Variants in SAMD5 observed in about 807,000 individuals in gnomAD.
SAMD5 encodes sterile alpha motif domain containing 5, also known as sterile alpha motif domain-containing protein 5.
A neutral mutation model predicts 11.3 loss-of-function variants in SAMD5; 13 were observed. The observed-to-expected ratio is 1.15, with a 90% confidence interval of 0.75 to 1.83. The LOEUF is 1.83. Among genes scored for constraint, SAMD5 ranks in the 40% most tolerant of loss-of-function variants. SAMD5 has a pLI of 0.00. For synonymous variants in SAMD5, 129 were observed against 111.3 expected, an observed-to-expected ratio of 1.16 and a Z score of -1.00; for missense variants, 255 against 239.1, an observed-to-expected ratio of 1.07 and a Z score of -0.44.
chr6:147,852,229 T>TA, the SAMD5 span, among the ~76,000 whole-genome samples: 1 of 152,158 alleles, frequency 6.6e-6, no homozygotes, highest in Admixed American at 6.5e-5. Flanking sequence ...TTTCCATAAA[T>TA]ACAGCTGTAT....
downstream of SAMD5, chr6:147,741,573 A>T (rs1410765250): frequency 6.6e-6 from 1 of 152,230 alleles, no homozygotes; most frequent in African/African-American, 2.4e-5. Context: ...GCTGGTTTTG[A>T]ATGACGAGTG....
chr6:147,707,318 T>A (rs924512835), intron 1 of SAMD5, among the ~76,000 whole-genome samples: 2 of 152,216 alleles, frequency 1.3e-5, no homozygotes, highest in Admixed American at 1.3e-4. Context: ...TAATTAAAAT[T>A]TTTTGTGAAT....
At chr6:147,654,771 C>A (rs2128453709) in intron 1 of SAMD5, among the ~76,000 whole-genome samples, 1 of 97,150 alleles carries the variant, frequency 1.0e-5, no homozygotes, top group African/African-American at 3.4e-5. Context: ...GTTTGACTAT[C>A]TTTTTCTCAA....
intron 1 of SAMD5, among the ~76,000 whole-genome samples, chr6:147,700,149 C>T (rs1791232867): frequency 6.6e-6 from 1 of 152,134 alleles, no homozygotes; most frequent in Non-Finnish European, 1.5e-5. Context: ...TTTCTTCAAC[C>T]TCTCTTTAGT....
At chr6:147,880,080 C>T in the SAMD5 span, among the ~76,000 whole-genome samples, 5 of 152,164 alleles carry the variant, frequency 3.3e-5, no homozygotes, top group African/African-American at 1.2e-4. Context: ...TTCCATATGT[C>T]ATTTTATTTA....
At chr6:147,591,405 C>T (rs930800576) in intron 1 of SAMD5, among the ~76,000 whole-genome samples, 5 of 152,266 alleles carry the variant, frequency 3.3e-5, no homozygotes, top group African/African-American at 7.2e-5. Flanking sequence ...AGGGAGTGTT[C>T]ACTGAATTAA....
chr6:147,907,862 T>G, the SAMD5 span, among the ~76,000 whole-genome samples: 1 of 152,252 alleles, frequency 6.6e-6, no homozygotes, highest in African/African-American at 2.4e-5. Context: ...CTGTATGAAA[T>G]CTCACATGCT....
At chr6:147,627,674 T>G (rs1790078703) in intron 1 of SAMD5, among the ~76,000 whole-genome samples, 1 of 152,164 alleles carries the variant, frequency 6.6e-6, no homozygotes, top group Non-Finnish European at 1.5e-5. Flanking sequence ...ATCCTTCCTT[T>G]TCCCTGTGTT....
intron 1 of SAMD5, among the ~76,000 whole-genome samples, chr6:147,551,830 A>ATATATATG (rs1788779934): frequency 1.8e-5 from 2 of 109,124 alleles, no homozygotes; most frequent in East Asian, 3.6e-4. Flanking sequence ...ATATATATAT[A>ATATATATG]TATATATGTA....
the SAMD5 span, among the ~76,000 whole-genome samples, chr6:147,870,090 A>C: frequency 6.6e-6 from 1 of 152,128 alleles, no homozygotes. Flanking sequence ...TGTATATTTC[A>C]CATGCATAGC....
intron 1 of SAMD5, among the ~76,000 whole-genome samples, chr6:147,643,554 C>T (rs1790345432): frequency 6.6e-6 from 1 of 152,144 alleles, no homozygotes; most frequent in South Asian, 2.1e-4. Context: ...CAATCTCTAA[C>T]TGGAAAATCT....
intron 1 of SAMD5, among the ~76,000 whole-genome samples, chr6:147,667,709 G>A (rs1583131803): frequency 6.6e-6 from 1 of 152,070 alleles, no homozygotes; most frequent in Non-Finnish European, 1.5e-5. Context: ...ATACAGTTGG[G>A]CTTTCTGCAT....
At chr6:147,678,619 A>G (rs1412178989) in intron 1 of SAMD5, among the ~76,000 whole-genome samples, 1 of 152,172 alleles carries the variant, frequency 6.6e-6, no homozygotes, top group Non-Finnish European at 1.5e-5. Context: ...TCTCCTCATC[A>G]ACAATCTTAT....
At chr6:147,534,472 A>G (rs1165479348) in intron 1 of SAMD5, among the ~76,000 whole-genome samples, 1 of 152,158 alleles carries the variant, frequency 6.6e-6, no homozygotes, top group Non-Finnish European at 1.5e-5. Flanking sequence ...ATTGCAATGG[A>G]GAAAGAGTAA....
At chr6:147,850,299 AC>A in the SAMD5 span, among the ~76,000 whole-genome samples, 3 of 152,296 alleles carry the variant, frequency 2.0e-5, no homozygotes, top group Non-Finnish European at 4.4e-5. Context: ...TTTAAAAAAA[AC>A]ACTATGATAA....
At chr6:147,910,941 C>T in the SAMD5 span, among the ~76,000 whole-genome samples, 11 of 152,118 alleles carry the variant, frequency 7.2e-5, no homozygotes, top group Non-Finnish European at 1.0e-4. Flanking sequence ...TAATTGTTGA[C>T]GCTAGTCACA....
chr6:147,588,560 G>A (rs546967990), intron 1 of SAMD5, among the ~76,000 whole-genome samples: 19 of 151,772 alleles, frequency 1.3e-4, no homozygotes, highest in African/African-American at 2.2e-4. Flanking sequence ...TCTTGGCCTC[G>A]GGTGATCTGC....
At chr6:147,913,144 G>T in the SAMD5 span, among the ~76,000 whole-genome samples, 6 of 151,932 alleles carry the variant, frequency 3.9e-5, no homozygotes, top group African/African-American at 1.5e-4. Context: ...ACCTGAAAAT[G>T]AAAGCAAATT....
At chr6:147,897,168 T>C in the SAMD5 span, among the ~76,000 whole-genome samples, 1 of 152,212 alleles carries the variant, frequency 6.6e-6, no homozygotes, top group Non-Finnish European at 1.5e-5. Flanking sequence ...GATATGTGAA[T>C]TATGGCACAA....
Sources: allele counts gnomAD v4.1 joint callset (sites outside exome capture counted in the v4.1 genomes callset), GRCh38; gene constraint gnomAD v4.1.1; transcripts MANE v1.5; gene names NCBI Gene and HGNC (gene_info 2026-07-23, HGNC 2026-07-21).